Variants in KLF12 observed in about 807,000 individuals in gnomAD.
KLF12 encodes Krueppel-like factor 12.
Under a neutral mutation model 37.8 loss-of-function variants are expected in KLF12, and 9 were observed. That is an observed-to-expected ratio of 0.24 (90% CI 0.14 to 0.42). The LOEUF (loss-of-function observed/expected upper bound fraction) is 0.42, where lower values mean the gene tolerates loss of function less well. KLF12 is among the 10% of genes least tolerant of loss of function. KLF12 has a pLI of 1.00. For missense variants in KLF12, 411 were observed against 516.0 expected, an observed-to-expected ratio of 0.80 and a Z score of 1.97; for synonymous variants, 208 against 202.1, an observed-to-expected ratio of 1.03 and a Z score of -0.25.
At chr13:74,015,198 C>G (rs1279667591) in intron 1 of KLF12, among the ~76,000 whole-genome samples, 1 of 152,120 alleles carries the variant, frequency 6.6e-6, no homozygotes, top group Non-Finnish European at 1.5e-5. Context: ...ATAGACTGAT[C>G]CATGTCTAAT....
chr13:74,229,083 A>G, the KLF12 span, among the ~76,000 whole-genome samples: 2 of 152,304 alleles, frequency 1.3e-5, no homozygotes, highest in East Asian at 3.9e-4. Flanking sequence ...TTAAACAGTA[A>G]GACAAACAAG....
intron 3 of KLF12, among the ~76,000 whole-genome samples, chr13:73,854,883 GA>G (rs1885527074): frequency 6.6e-6 from 1 of 152,106 alleles, no homozygotes; most frequent in South Asian, 2.1e-4. Flanking sequence ...CAGGGATATC[GA>G]GGGACAACTG....
chr13:73,886,256 C>T (rs777366603), intron 3 of KLF12, among the ~76,000 whole-genome samples: 1 of 152,156 alleles, frequency 6.6e-6, no homozygotes, highest in East Asian at 1.9e-4. Flanking sequence ...AAGAGCCAAA[C>T]GGTTTCGTAC....
chr13:73,941,374 T>C (rs886280081), intron 3 of KLF12, among the ~76,000 whole-genome samples: 6 of 152,244 alleles, frequency 3.9e-5, no homozygotes, highest in Non-Finnish European at 5.9e-5. Context: ...CCGGGCAACA[T>C]AGCAAGCAAA....
rs867846956 is a variant in KLF12 at position 73,687,831 on chromosome 13, C to T, written c.*7659G>A. 2 of 152,176 alleles carry T rather than the reference C, an allele frequency of 1.3e-5. No homozygotes were observed. The highest frequency in any genetic ancestry group is 1.5e-5 in the Non-Finnish European group (1 of 68,022). 9.4% of individuals were successfully genotyped at this position (152,176 alleles called of 1,614,324 possible). A position where few individuals can be genotyped will look rare whatever the true frequency, so the allele number is the denominator to read the frequency against. On this transcript the variant is annotated 3_prime_UTR_variant, in exon 8 of 8. Transcript: ENST00000377669. ...GCCTTGCACAAAGGGTGGACTCTGT[C>T]TCAAACACTTCAAATTTCTAGAGAT... is the stretch of plus-strand genomic sequence containing the variant.
intron 3 of KLF12, among the ~76,000 whole-genome samples, chr13:73,919,057 G>C (rs955321283): frequency 6.6e-6 from 1 of 152,162 alleles, no homozygotes; most frequent in Non-Finnish European, 1.5e-5. Flanking sequence ...GAGCACATCT[G>C]CTCCTGAGCT....
chr13:74,269,223 C>T, the KLF12 span, among the ~76,000 whole-genome samples: 3 of 152,248 alleles, frequency 2.0e-5, no homozygotes, highest in East Asian at 3.9e-4. Flanking sequence ...AAGGCATATT[C>T]ATCTTCATGA....
chr13:73,993,327 G>A (rs1892023607), intron 2 of KLF12, among the ~76,000 whole-genome samples: 1 of 152,192 alleles, frequency 6.6e-6, no homozygotes, highest in African/African-American at 2.4e-5. Flanking sequence ...CAATTGTTCA[G>A]AATGAATCAC....
At chr13:73,841,076 T>G (rs1420874702) in intron 4 of KLF12, among the ~76,000 whole-genome samples, 1 of 152,170 alleles carries the variant, frequency 6.6e-6, no homozygotes, top group Admixed American at 6.6e-5. Flanking sequence ...ATAGCACTTG[T>G]AGCATCTGAT....
intron 5 of KLF12, among the ~76,000 whole-genome samples, chr13:73,798,632 T>C (rs1001944294): frequency 2.0e-5 from 3 of 152,020 alleles, no homozygotes; most frequent in African/African-American, 7.2e-5. Flanking sequence ...CTCAAAAGAA[T>C]AGATAATGTC....
intron 6 of KLF12, 118 bp from the exon 7 acceptor site, chr13:73,715,643 C>A: frequency 1.0e-6 from 1 of 985,644 alleles, no homozygotes; most frequent in East Asian, 2.5e-5. Context: ...CCACCATGAC[C>A]ACAGTTCTTG....
At chr13:74,242,746 C>A in the KLF12 span, among the ~76,000 whole-genome samples, 2 of 152,068 alleles carry the variant, frequency 1.3e-5, no homozygotes, top group African/African-American at 2.4e-5. Context: ...ACTGGGGATA[C>A]AAGGGGAAAG....
rs569759968 is a variant in KLF12, at chr13:73,692,018, A to G, written c.*3472T>C. 6.5e-6 allele frequency: 1 copy of G among 152,678 alleles called. No individual in the cohort carries two copies. The highest frequency in any genetic ancestry group is 1.9e-4 in the East Asian group (1 of 5,184). 9.5% of individuals were successfully genotyped at this position (152,678 alleles called of 1,614,324 possible). A position where few individuals can be genotyped will look rare whatever the true frequency, so the allele number is the denominator to read the frequency against. On this transcript the variant is annotated 3_prime_UTR_variant, in exon 8 of 8. Coordinates refer to ENST00000377669, the MANE Select transcript of KLF12 (RefSeq NM_007249.5). ...CACTTAAGCTTTCAAGTGAATGAAA[A>G]GTGCTCATTTTTTTAAAAAATGTGG...
the KLF12 span, among the ~76,000 whole-genome samples, chr13:74,296,411 A>T: frequency 2.6e-5 from 4 of 152,158 alleles, no homozygotes; most frequent in Non-Finnish European, 5.9e-5. Flanking sequence ...CGTCTTAAAC[A>T]TAGATGAAAA....
At chr13:74,262,667 AT>A in the KLF12 span, among the ~76,000 whole-genome samples, 1 of 151,908 alleles carries the variant, frequency 6.6e-6, no homozygotes, top group African/African-American at 2.4e-5. Context: ...TACAAACACA[AT>A]TTTTTTTGAT....
rs775745790 is a variant in KLF12, at chr13:73,937,811, A to T, written c.123+6170T>A. Reference sequence around the variant, plus strand: ...CCTTGTATTAATATATTTATTGGCCATTCTGACATTATTAAAATCAGTCTA... The same window carrying T: ...CCTTGTATTAATATATTTATTGGCCTTTCTGACATTATTAAAATCAGTCTA... On this transcript the variant is annotated intron_variant, in intron 3 of 7. Transcript: ENST00000377669. Among the ~76,000 whole-genome samples, 8 of 152,180 alleles carry T rather than the reference A, an allele frequency of 5.3e-5. No homozygotes were observed. In the South Asian group the frequency reaches 1.7e-3, roughly 31 times the overall value.
rs1393953711 is a variant in KLF12, at chr13:73,739,364, T to A, written c.870-23839A>T. On this transcript the variant is annotated intron_variant, in intron 6 of 7. Transcript: ENST00000377669. ...AGTGCCTGGTAAATACCTTAACAAA[T>A]GTTTTCTTAATAAATGATTTCTCAC... Among the ~76,000 whole-genome samples, 3 of 152,190 alleles carry A rather than the reference T, an allele frequency of 2.0e-5. No individual in the cohort carries two copies. In the East Asian group the frequency reaches 5.8e-4, roughly 29 times the overall value.
the KLF12 span, among the ~76,000 whole-genome samples, chr13:74,304,797 G>C: frequency 6.6e-6 from 1 of 152,046 alleles, no homozygotes; most frequent in Non-Finnish European, 1.5e-5. Context: ...GCAAGTTAGA[G>C]AGTTGTGAAG....
chr13:73,695,605 G>C lies in KLF12; in HGVS notation c.1094C>G (p.Thr365Arg), dbSNP rs1874090947. 1 of 1,614,072 alleles carries C rather than the reference G, an allele frequency of 6.2e-7. No individual in the cohort carries two copies. The highest frequency in any genetic ancestry group is 8.5e-7 in the Non-Finnish European group (1 of 1,179,952). ...TCCCGTATGTTTGCGGTAATGCCTC[G>C]TCAGTTCATCTGAACGAGCGAACTT... Residue 365 changes from threonine to arginine, a missense_variant, in exon 8 of 8, where the codon ACG becomes AGG. Transcript: ENST00000377669.
Sources: allele counts gnomAD v4.1 joint callset (sites outside exome capture counted in the v4.1 genomes callset), GRCh38; gene constraint gnomAD v4.1.1; transcripts MANE v1.5; gene names NCBI Gene and HGNC (gene_info 2026-07-23, HGNC 2026-07-21).